Variants in SNTB1 observed in about 807,000 individuals in gnomAD.
SNTB1 encodes the protein beta-1-syntrophin.
SNTB1 carries 36 observed loss-of-function variants against 48.9 expected under a neutral mutation model. The observed-to-expected ratio is 0.74, with a 90% CI of 0.56 to 0.97. The LOEUF is 0.97. Among genes scored for constraint, SNTB1 ranks in the 50% least tolerant of loss-of-function variants. The probability of loss-of-function intolerance (pLI) is 0.00; values close to 1 mark genes in which losing one functional copy is unlikely to be tolerated. For synonymous variants in SNTB1, 299 were observed against 294.6 expected, an observed-to-expected ratio of 1.01 and a Z score of -0.15; for missense variants, 786 against 703.4, an observed-to-expected ratio of 1.12 and a Z score of -1.33.
intron 2 of SNTB1, among the ~76,000 whole-genome samples, chr8:120,671,556 A>C (rs1817757866): frequency 6.6e-6 from 1 of 152,212 alleles, no homozygotes; most frequent in African/African-American, 2.4e-5. Context: ...AAAGGCAAGG[A>C]AGGAGGATTC....
At chr8:120,634,159 C>A (rs1044187814) in intron 2 of SNTB1, among the ~76,000 whole-genome samples, 1 of 151,922 alleles carries the variant, frequency 6.6e-6, no homozygotes, top group African/African-American at 2.4e-5. Context: ...GAAAAAAAAC[C>A]CAATATTCAT....
In SNTB1 at chr8:120,686,135, A is replaced by C. The variant is rs868524993; in HGVS notation, c.788+7557T>G. On this transcript the variant is annotated intron_variant, in intron 2 of 6. Transcript: ENST00000517992. The stretch of plus-strand genomic sequence containing the variant: ...CTCTCCTCTTCTGAGACCTCACCAG[A>C]ATTCTCCTTAAATCTCCTTTCACAG... Among the ~76,000 whole-genome samples the C allele has an allele frequency of 1.3e-5, 2 of 152,162 alleles. 1 individual carries two copies. The highest frequency in any genetic ancestry group is 3.9e-4 in the East Asian group (2 of 5,186).
At chr8:120,791,132 C>T (rs1228191196) in intron 1 of SNTB1, among the ~76,000 whole-genome samples, 1 of 151,652 alleles carries the variant, frequency 6.6e-6, no homozygotes, top group Non-Finnish European at 1.5e-5. Flanking sequence ...TTGGAACAGA[C>T]TACAGAACCC....
At chr8:120,689,643 A>G (rs1818093285) in intron 2 of SNTB1, among the ~76,000 whole-genome samples, 1 of 152,100 alleles carries the variant, frequency 6.6e-6, no homozygotes, top group African/African-American at 2.4e-5. Context: ...TATTTAATGG[A>G]TGCATTATTT....
At chr8:120,593,779 C>T (rs1816280066) in intron 3 of SNTB1, among the ~76,000 whole-genome samples, 1 of 152,154 alleles carries the variant, frequency 6.6e-6, no homozygotes, top group East Asian at 1.9e-4. Flanking sequence ...TTCCTAATTG[C>T]ATAAATCACC....
chr8:120,730,168 TA>T (rs1158589645), intron 1 of SNTB1, among the ~76,000 whole-genome samples: 6 of 152,128 alleles, frequency 3.9e-5, no homozygotes, highest in Admixed American at 1.3e-4. Flanking sequence ...TTATTATGAT[TA>T]TTTTTTTGAG....
At chr8:120,691,841 T>C (rs954119887) in intron 2 of SNTB1, among the ~76,000 whole-genome samples, 1 of 152,198 alleles carries the variant, frequency 6.6e-6, no homozygotes, top group African/African-American at 2.4e-5. Context: ...TGATAGGCAC[T>C]CAATACTACA....
chr8:120,546,198 A>G (rs908303854), intron 5 of SNTB1, among the ~76,000 whole-genome samples: 7 of 152,236 alleles, frequency 4.6e-5, no homozygotes, highest in African/African-American at 1.7e-4. Flanking sequence ...TGTTGAGGGT[A>G]CTAGCCACTA....
intron 6 of SNTB1, 79 bp from the exon 7 acceptor site, chr8:120,539,048 A>T: frequency 1.0e-6 from 1 of 989,468 alleles, no homozygotes; most frequent in South Asian, 1.6e-5. Context: ...CATCAAACGA[A>T]TCTATATGCA....
At chr8:120,710,403 A>G (rs1350940516) in intron 1 of SNTB1, among the ~76,000 whole-genome samples, 1 of 152,214 alleles carries the variant, frequency 6.6e-6, no homozygotes, top group Non-Finnish European at 1.5e-5. Context: ...GCTATGAGGA[A>G]CATTTCCTGA....
chr8:120,536,576 T>G lies in SNTB1; in HGVS notation c.*2301A>C, dbSNP rs1309982298. 6.6e-6 allele frequency: 1 copy of G among 152,212 alleles called. No individual in the cohort carries two copies. Among genetic ancestry groups the G allele is most frequent in the Non-Finnish European group, 1.5e-5 (1 of 68,026 alleles). The allele number at this position is 152,212 out of a possible 1,614,324, so 9.4% of individuals were successfully genotyped here. On this transcript the variant is annotated 3_prime_UTR_variant, in exon 7 of 7. Coordinates refer to ENST00000517992, the MANE Select transcript of SNTB1 (RefSeq NM_021021.4). ...ACATTTTAACTTGGGGGAAAAATGA[T>G]TCATATACACAATTATCTTAGTCAA...
At chr8:120,691,594 A>G (rs1440208861) in intron 2 of SNTB1, among the ~76,000 whole-genome samples, 2 of 152,216 alleles carry the variant, frequency 1.3e-5, no homozygotes, top group Admixed American at 6.5e-5. Flanking sequence ...GAGCTCTGGT[A>G]TATAACTGCC....
Position 120,645,267 on chromosome 8 carries a change from G to T in SNTB1, c.789-12616C>A, listed in dbSNP as rs866259116. On this transcript the variant is annotated intron_variant, in intron 2 of 6. Coordinates refer to ENST00000517992, the MANE Select transcript of SNTB1 (RefSeq NM_021021.4). ...CCTATGTCCTGAATGGTAATGCCTAGGTTTTCTTCTAGGGTTTTTATGGTT... is the reference window on the plus strand; with the variant it reads ...CCTATGTCCTGAATGGTAATGCCTATGTTTTCTTCTAGGGTTTTTATGGTT... Among the ~76,000 whole-genome samples, 185 of 152,046 alleles carry T rather than the reference G, an allele frequency of 1.2e-3. 3 individuals are homozygous for T. Among genetic ancestry groups the T allele is most frequent in the Non-Finnish European group, 1.7e-3 (118 of 67,960 alleles).
chr8:120,757,808 C>T (rs1051308637), intron 1 of SNTB1, among the ~76,000 whole-genome samples: 4 of 152,102 alleles, frequency 2.6e-5, no homozygotes, highest in African/African-American at 9.7e-5. Flanking sequence ...CCATGGGGAA[C>T]TTAAGAAACA....
intron 1 of SNTB1, among the ~76,000 whole-genome samples, chr8:120,744,198 T>C (rs992369281): frequency 6.6e-6 from 1 of 151,696 alleles, no homozygotes; most frequent in East Asian, 1.9e-4. Context: ...TCACTTCGAT[T>C]TATTTCCAGT....
intron 3 of SNTB1, among the ~76,000 whole-genome samples, chr8:120,598,199 G>A (rs979255444): frequency 6.6e-6 from 1 of 152,060 alleles, no homozygotes; most frequent in African/African-American, 2.4e-5. Flanking sequence ...CCTCAATCTG[G>A]CCTTATGTCA....
At chr8:120,601,372 T>C (rs1236464186) in intron 3 of SNTB1, among the ~76,000 whole-genome samples, 1 of 152,166 alleles carries the variant, frequency 6.6e-6, no homozygotes, top group Non-Finnish European at 1.5e-5. Context: ...CTTACTTGGA[T>C]GAGACCGTTT....
intron 3 of SNTB1, 100 bp downstream of exon 3, chr8:120,632,344 A>C (rs1587046962): frequency 1.9e-6 from 2 of 1,080,180 alleles, no homozygotes; most frequent in South Asian, 2.9e-5. Flanking sequence ...CAGACTGTGA[A>C]TGAGAGAATC....
chr8:120,541,923 C>G lies in SNTB1; in HGVS notation c.1411G>C (p.Glu471Gln). The G allele has an allele frequency of 6.2e-7, 1 of 1,614,020 alleles. No individual in the cohort carries two copies. The highest frequency in any genetic ancestry group is 8.5e-7 in the Non-Finnish European group (1 of 1,179,944). Residue 471 changes from glutamate (E) to glutamine (Q), a missense_variant, in exon 6 of 7, where the codon GAG (glutamate) becomes CAG (glutamine). Transcript: ENST00000517992. ...ATGATGGTCTTGGGAAAGGCACCCT[C>G]CTGTGGTTCAGTGGTAATAGAAAAT... is the stretch of plus-strand genomic sequence containing the variant. ...NGFSITTEPQ[E>Q]GAFPKTIIQS...
Sources: gnomAD v4.1 joint callset for allele counts (sites outside exome capture counted in the v4.1 genomes callset) on GRCh38, gnomAD v4.1.1 for gene constraint, MANE v1.5 for transcripts, NCBI Gene and HGNC (gene_info 2026-07-23, HGNC 2026-07-21) for gene names.